The following GANC variants were observed in gnomAD, a reference collection of about 807,000 sequenced individuals.
GANC encodes glucosidase alpha, neutral C.
Under a neutral mutation model 124.2 loss-of-function variants are expected in GANC, and 117 were observed. The observed-to-expected ratio is 0.94, with a 90% confidence interval of 0.81 to 1.10. The LOEUF is 1.10. Ranked by LOEUF, GANC falls within the 50% of genes least tolerant of loss-of-function variation. The pLI is 0.00. For synonymous variants in GANC, 377 were observed against 376.8 expected, an observed-to-expected ratio of 1.00 and a Z score of -0.01; for missense variants, 1,140 against 1,095.0, an observed-to-expected ratio of 1.04 and a Z score of -0.58.
At chr15:42,341,689 G>A (rs997020089) in intron 18 of GANC, among the ~76,000 whole-genome samples, 1 of 151,848 alleles carries the variant, frequency 6.6e-6, no homozygotes, top group Non-Finnish European at 1.5e-5. Flanking sequence ...TCAGCCTCTC[G>A]AGTAGCTGGA....
rs746171994 is a variant in GANC, at chr15:42,310,799, C to T, written c.1010C>T (p.Thr337Ile). The T allele has an allele frequency of 6.2e-7, 1 of 1,614,180 alleles. No homozygotes were observed. The change falls in exon 10 of 24, where the codon ACA becomes ATA. Residue 337 changes from threonine to isoleucine, a missense_variant. Coordinates refer to ENST00000318010, the MANE Select transcript of GANC (RefSeq NM_198141.3). ...GGCATCATTGATGTTTTTCTGCTGACAGGACCTACACCTTCTGATGTCTTC... is the reference window on the plus strand; with the variant it reads ...GGCATCATTGATGTTTTTCTGCTGATAGGACCTACACCTTCTGATGTCTTC... ...ESGIIDVFLLTGPTPSDVFKQ... is the reference protein window; with the variant it reads ...ESGIIDVFLLIGPTPSDVFKQ...
At chr15:42,331,108 CT>C (rs1451861068) in intron 15 of GANC, among the ~76,000 whole-genome samples, 3 of 152,168 alleles carry the variant, frequency 2.0e-5, no homozygotes, top group Admixed American at 1.3e-4. Flanking sequence ...TGATGCCTTC[CT>C]TTTCAATAGC....
chr15:42,345,465 T>A (rs76764162), intron 19 of GANC, among the ~76,000 whole-genome samples: 14,749 of 152,216 alleles, frequency 0.097, 839 homozygotes, highest in South Asian at 0.19. Flanking sequence ...CTGTTCAGTC[T>A]TGTATATTCA....
chr15:42,309,356 G>C (rs2052029190), intron 8 of GANC, among the ~76,000 whole-genome samples: 1 of 150,538 alleles, frequency 6.6e-6, no homozygotes. Flanking sequence ...GTCTCGCACT[G>C]TCGCCCAGGC....
intron 10 of GANC, chr15:42,314,318 G>T: frequency 3.4e-6 from 2 of 585,482 alleles, no homozygotes; most frequent in South Asian, 4.0e-5. Context: ...TTTTGCTGCT[G>T]TCTCATCTGG....
In GANC at chr15:42,353,184, G is replaced by A; in HGVS notation, c.*1045G>A. 1 of 985,892 alleles carries A rather than the reference G, an allele frequency of 1.0e-6. No individual in the cohort carries two copies. Among genetic ancestry groups the A allele is most frequent in the African/African-American group, 1.7e-5 (1 of 57,302 alleles). 61.1% of individuals were successfully genotyped at this position (985,892 alleles called of 1,614,324 possible). A position where few individuals can be genotyped will look rare whatever the true frequency, so the allele number is the denominator to read the frequency against. On this transcript the variant is annotated 3_prime_UTR_variant, in exon 24 of 24. Transcript: ENST00000318010. Reference sequence around the variant, plus strand: ...GCCCAAGGCTCCACAGACCTCAGTGGCTCCCTGCTGCCTGCCACAGCATCT... The same window carrying A: ...GCCCAAGGCTCCACAGACCTCAGTGACTCCCTGCTGCCTGCCACAGCATCT...
At position 42,350,022 on chromosome 15, in the gene GANC, CT is replaced by C. The variant is rs753077889; in HGVS notation, c.2531+552del. Among the ~76,000 whole-genome samples the C allele has an allele frequency of 7.6e-3, 570 of 74,920 alleles. 3 individuals carry two copies. The highest frequency in any genetic ancestry group is 0.024 in the African/African-American group (483 of 19,994). The allele number at this position is 74,920 out of a possible 152,430, so 49.2% of individuals were successfully genotyped here. On this transcript the variant is annotated intron_variant, in intron 22 of 23. Transcript: ENST00000318010. The stretch of plus-strand genomic sequence containing the variant: ...ATTGTCTTCACCTTTCTTTCCCCCA[CT>C]TTTTTTTTTTTTTTTTTTTTTTTTG...
intron 21 of GANC, among the ~76,000 whole-genome samples, chr15:42,349,032 T>C (rs2052395404): frequency 6.6e-6 from 1 of 152,234 alleles, no homozygotes; most frequent in Admixed American, 6.5e-5. Context: ...TCATCTATTA[T>C]GTATTAATTT....
chr15:42,314,249 C>A, intron 10 of GANC: 1 of 694,270 alleles, frequency 1.4e-6, no homozygotes, highest in South Asian at 1.6e-5. Flanking sequence ...AGCTACCCAG[C>A]ATGGAATTTA....
chr15:42,350,619 C>T (rs987453445), intron 22 of GANC, among the ~76,000 whole-genome samples: 1 of 140,652 alleles, frequency 7.1e-6, no homozygotes. Flanking sequence ...GTGGCATGAT[C>T]TCAGCTCACT....
intron 10 of GANC, among the ~76,000 whole-genome samples, chr15:42,312,281 A>G (rs549892872): frequency 7.2e-5 from 11 of 152,356 alleles, no homozygotes; most frequent in Admixed American, 2.0e-4. Flanking sequence ...TCCCCACCCA[A>G]ATCTCATCAT....
At chr15:42,351,516 G>A in intron 23 of GANC, 84 bp downstream of exon 23, 1 of 954,136 alleles carries the variant, frequency 1.0e-6, no homozygotes, top group Non-Finnish European at 1.7e-6. Flanking sequence ...CCCAAACGGA[G>A]ATAATATGCT....
chr15:42,342,603 AAG>A lies in GANC; in HGVS notation c.2153-473_2153-472del, dbSNP rs1491348423. On this transcript the variant is annotated intron_variant, in intron 18 of 23. Coordinates refer to ENST00000318010, the MANE Select transcript of GANC (RefSeq NM_198141.3). ...TCTCCTGTCTCTAAGGAAAAAAAAA[AAG>A]AAAAAGAAAACTGCAGCCTCTCTGA... 2.0e-5 allele frequency among the ~76,000 whole-genome samples: 3 copies of A among 151,464 alleles called. No individual in the cohort carries two copies. In the East Asian group the frequency reaches 5.8e-4, roughly 29 times the overall value.
intron 3 of GANC, among the ~76,000 whole-genome samples, chr15:42,278,956 C>T (rs980921169): frequency 3.9e-5 from 6 of 152,168 alleles, no homozygotes; most frequent in African/African-American, 1.4e-4. Flanking sequence ...GATAGTGCCA[C>T]TGCACTTCAG....
At chr15:42,307,337 C>CT (rs11437522) in intron 7 of GANC, among the ~76,000 whole-genome samples, 124,441 of 135,078 alleles carry the variant, frequency 0.92, 57,979 homozygotes, top group Non-Finnish European at 0.98. Flanking sequence ...ATCTTTTTAT[C>CT]TTTTTTTTTT....
In GANC at chr15:42,276,359, A is replaced by G; in HGVS notation, c.41A>G (p.Glu14Gly). Residue 14 changes from glutamate to glycine, a missense_variant, in exon 2 of 24, where the codon GAA becomes GGA. Glu to Gly is a moderately conservative substitution (Grantham distance 98, BLOSUM62 -2). Coordinates refer to ENST00000318010, the MANE Select transcript of GANC (RefSeq NM_198141.3). Reference sequence around the variant, plus strand: ...GTCTTTTTATTTAGTCTTGAAGATGAAGCTGTAGATAAAAACATTTTCAGA... The same window carrying G: ...GTCTTTTTATTTAGTCTTGAAGATGGAGCTGTAGATAAAAACATTTTCAGA... ...AVKEEISLED[E>G]AVDKNIFRDC... The G allele has an allele frequency of 6.9e-7, 1 of 1,459,414 alleles. No homozygotes were observed. 90.4% of individuals were successfully genotyped at this position (1,459,414 alleles called of 1,614,324 possible).
At chr15:42,350,614 A>G (rs1301051573) in intron 22 of GANC, among the ~76,000 whole-genome samples, 1 of 141,406 alleles carries the variant, frequency 7.1e-6, no homozygotes, top group East Asian at 2.1e-4. Flanking sequence ...GTGCAGTGGC[A>G]TGATCTCAGC....
intron 8 of GANC, 70 bp downstream of exon 8, chr15:42,308,388 A>G: frequency 9.6e-7 from 1 of 1,037,118 alleles, no homozygotes; most frequent in Non-Finnish European, 1.5e-6. Context: ...AACATTTGTG[A>G]GCTGTCTGAG....
At chr15:42,307,881 G>C (rs903796587) in intron 7 of GANC, among the ~76,000 whole-genome samples, 1 of 152,152 alleles carries the variant, frequency 6.6e-6, no homozygotes, top group Non-Finnish European at 1.5e-5. Context: ...AAAGAAATAT[G>C]TGATAAGGAA....
Sources: allele counts gnomAD v4.1 joint callset (sites outside exome capture counted in the v4.1 genomes callset), GRCh38; gene constraint gnomAD v4.1.1; transcripts MANE v1.5; gene names NCBI Gene and HGNC (gene_info 2026-07-23, HGNC 2026-07-21).